Variants in LRTM3 observed in about 807,000 individuals in gnomAD.
LRTM3 encodes the protein leucine rich repeat transmembrane protein 3.
At chr13:102,748,979 C>T in the LRTM3 span, 3 of 1,550,560 alleles carry the variant, frequency 1.9e-6, no homozygotes, top group Non-Finnish European at 2.6e-6. Flanking sequence ...CAGAAAATGT[C>T]CACATTTTAT....
At chr13:102,732,440 T>A in the LRTM3 span, 13 of 1,551,098 alleles carry the variant, frequency 8.4e-6, no homozygotes, top group Admixed American at 2.0e-5. Flanking sequence ...TCTTTTCAGA[T>A]CTCTTATTGT....
the LRTM3 span, chr13:102,736,060 A>G: frequency 2.6e-6 from 4 of 1,543,606 alleles, no homozygotes; most frequent in African/African-American, 1.4e-5. Flanking sequence ...TTGCCTCTTT[A>G]TATGGCATTT....
chr13:102,732,097 T>C, the LRTM3 span: 7 of 1,551,324 alleles, frequency 4.5e-6, no homozygotes, highest in Non-Finnish European at 5.2e-6. Flanking sequence ...GAACTGTGTT[T>C]GTAAAATTCT....
At chr13:102,754,674 A>G in the LRTM3 span, among the ~76,000 whole-genome samples, 1 of 152,168 alleles carries the variant, frequency 6.6e-6, no homozygotes, top group Non-Finnish European at 1.5e-5. Context: ...TAGGGTTCCC[A>G]TTTAAACATT....
chr13:102,733,700 A>T, the LRTM3 span: 1 of 1,551,318 alleles, frequency 6.4e-7, no homozygotes, highest in South Asian at 1.2e-5. Flanking sequence ...TATGGTACCA[A>T]ACCCTGTGAA....
At chr13:102,748,463 C>G in the LRTM3 span, 2 of 1,551,202 alleles carry the variant, frequency 1.3e-6, no homozygotes, top group Non-Finnish European at 1.7e-6. Context: ...CCTTGGAAAG[C>G]ACCTTTGCGT....
At chr13:102,732,120 C>T in the LRTM3 span, 2 of 1,551,332 alleles carry the variant, frequency 1.3e-6, no homozygotes, top group African/African-American at 2.7e-5. Context: ...TCCCCTTTTA[C>T]AATTGTTAAA....
At chr13:102,749,653 C>A in the LRTM3 span, 1 of 1,551,394 alleles carries the variant, frequency 6.4e-7, no homozygotes, top group East Asian at 2.4e-5. Flanking sequence ...AAAATGGCTT[C>A]TTCATCACAT....
chr13:102,746,545 G>A, the LRTM3 span: 2 of 1,550,864 alleles, frequency 1.3e-6, no homozygotes, highest in South Asian at 2.4e-5. Context: ...TCTTTCTGTG[G>A]CTTGTGACAC....
At chr13:102,753,517 A>G in the LRTM3 span, among the ~76,000 whole-genome samples, 2 of 151,898 alleles carry the variant, frequency 1.3e-5, no homozygotes, top group Admixed American at 6.5e-5. Context: ...AAGAAAAGAA[A>G]AAAAAAAGAA....
At chr13:102,746,494 G>A in the LRTM3 span, 1 of 1,550,966 alleles carries the variant, frequency 6.4e-7, no homozygotes, top group Admixed American at 2.0e-5. Flanking sequence ...CTTTAGTTTG[G>A]TTTATCTTTT....
the LRTM3 span, chr13:102,742,040 T>A: frequency 6.4e-7 from 1 of 1,550,528 alleles, no homozygotes; most frequent in Non-Finnish European, 8.7e-7. Context: ...TTTCTCCAGC[T>A]TTGGCTGTGG....
the LRTM3 span, chr13:102,744,680 C>T: frequency 2.3e-3 from 3,508 of 1,550,688 alleles, 72 homozygotes; most frequent in African/African-American, 0.042. Context: ...TGTACTGAAA[C>T]GGAGGTGTTG....
the LRTM3 span, chr13:102,732,246 T>C: frequency 6.4e-7 from 1 of 1,551,366 alleles, no homozygotes; most frequent in East Asian, 2.4e-5. Context: ...GAACGCATGA[T>C]GGAAATAGAA....
At chr13:102,739,142 T>C in the LRTM3 span, 12 of 1,550,206 alleles carry the variant, frequency 7.7e-6, no homozygotes, top group Non-Finnish European at 1.0e-5. Flanking sequence ...ACAGAGTTTA[T>C]TCTGAACTAC....
chr13:102,751,833 A>G, the LRTM3 span, among the ~76,000 whole-genome samples: 12 of 152,190 alleles, frequency 7.9e-5, no homozygotes, highest in Non-Finnish European at 1.6e-4. Context: ...AAGTCCCACA[A>G]ATGACTGAAT....
chr13:102,730,198 T>C, the LRTM3 span: 2 of 1,551,080 alleles, frequency 1.3e-6, no homozygotes, highest in Non-Finnish European at 1.7e-6. Context: ...CACTGTAAAA[T>C]GATTTCAAAT....
the LRTM3 span, chr13:102,733,189 C>T: frequency 7.1e-6 from 11 of 1,551,284 alleles, no homozygotes; most frequent in Non-Finnish European, 9.6e-6. Flanking sequence ...ACCGTCGGAT[C>T]ACTTGCTTTT....
chr13:102,742,215 GTTCT>G, the LRTM3 span: 3 of 1,550,474 alleles, frequency 1.9e-6, no homozygotes. Context: ...TTACCTCTCA[GTTCT>G]TTTTTATTGC....
Sources: allele counts gnomAD v4.1 joint callset (sites outside exome capture counted in the v4.1 genomes callset), GRCh38; gene constraint gnomAD v4.1.1; transcripts MANE v1.5; gene names NCBI Gene and HGNC (gene_info 2026-07-23, HGNC 2026-07-21).